Variants in MAP4K4 observed in about 807,000 individuals in gnomAD.
The protein encoded by MAP4K4 is mitogen-activated protein kinase kinase kinase kinase 4, also known as HPK/GCK-like kinase HGK.
A neutral mutation model predicts 189.6 loss-of-function variants in MAP4K4; 38 were observed. The ratio of observed to expected loss-of-function variants is 0.20; its 90% CI spans 0.15 to 0.26. The LOEUF (loss-of-function observed/expected upper bound fraction) is 0.26. Ranked by LOEUF, MAP4K4 falls within the 10% of genes least tolerant of loss-of-function variation. The pLI, the probability that MAP4K4 is intolerant of heterozygous loss-of-function variation, is 1.00. For missense variants in MAP4K4, 1,054 were observed against 1,726.9 expected (o/e 0.61, Z 6.91); for synonymous variants, 610 against 624.3 (o/e 0.98, Z 0.34).
intron 22 of MAP4K4, 139 bp downstream of exon 22, chr2:101,869,936 G>C: frequency 8.5e-7 from 1 of 1,175,876 alleles, no homozygotes; most frequent in East Asian, 2.6e-5. Flanking sequence ...GCAGCAGGTC[G>C]CCTTGTGTTT....
chr2:101,750,943 C>T (rs2068583036), intron 2 of MAP4K4, among the ~76,000 whole-genome samples: 1 of 152,082 alleles, frequency 6.6e-6, no homozygotes, highest in African/African-American at 2.4e-5. Flanking sequence ...GCTGTAAGTC[C>T]TCTACCTTTT....
At chr2:101,865,168 G>A (rs1160617601) in intron 18 of MAP4K4, 132 bp downstream of exon 18, 1 of 588,744 alleles carries the variant, frequency 1.7e-6, no homozygotes, top group Non-Finnish European at 2.9e-6. Context: ...AAAAGGAAAA[G>A]CTGCCATAAA....
At chr2:101,854,818 G>C (rs2097396957) in intron 12 of MAP4K4, among the ~76,000 whole-genome samples, 1 of 152,100 alleles carries the variant, frequency 6.6e-6, no homozygotes, top group South Asian at 2.1e-4. Flanking sequence ...TTGGCTCTCT[G>C]TGTCTGGGAA....
Position 101,888,785 on chromosome 2 carries a change from C to T in MAP4K4, c.3932-11C>T. 4 of 1,569,300 alleles carry T rather than the reference C, an allele frequency of 2.5e-6. No individual in the cohort carries two copies. The highest frequency in any genetic ancestry group is 3.4e-6 in the Non-Finnish European group (4 of 1,161,036). On this transcript the variant is annotated splice_polypyrimidine_tract_variant and intron_variant, in intron 31 of 32. Coordinates refer to ENST00000324219, the Ensembl canonical transcript of MAP4K4. ...ATCTTTAACGGTTTGCAATTTTTCC[C>T]TCCCCAAAAGCATATATTCGATCCA...
At chr2:101,771,387 C>T (rs952623385) in intron 2 of MAP4K4, among the ~76,000 whole-genome samples, 4 of 152,132 alleles carry the variant, frequency 2.6e-5, no homozygotes, top group African/African-American at 7.2e-5. Context: ...GGCAGTGGAA[C>T]GGTGCCATTT....
chr2:101,698,288 G>A (rs1319423873), intron 1 of MAP4K4, 151 bp downstream of exon 1: 1 of 255,198 alleles, frequency 3.9e-6, no homozygotes, highest in Non-Finnish European at 6.1e-6. Context: ...GGCTGGTGCG[G>A]GGCGGGCGCT....
intron 19 of MAP4K4, among the ~76,000 whole-genome samples, 185 bp from the exon 20 acceptor site, chr2:101,867,023 TTAAG>T (rs2097838841): frequency 6.6e-6 from 1 of 151,696 alleles, no homozygotes; most frequent in Non-Finnish European, 1.5e-5. Context: ...GATGGAGGGT[TTAAG>T]TAAAGAGTCA....
At chr2:101,845,215 C>CA (rs1423337396) in intron 12 of MAP4K4, among the ~76,000 whole-genome samples, 1 of 151,526 alleles carries the variant, frequency 6.6e-6, no homozygotes, top group Non-Finnish European at 1.5e-5. Flanking sequence ...CACACACGCA[C>CA]ACACGGTAAG....
At chr2:101,867,267 A>G (rs903128015) in exon 20 of MAP4K4, 4 of 1,607,666 alleles carry the variant, frequency 2.5e-6, no homozygotes, top group Admixed American at 3.4e-5. Flanking sequence ...CAGTGAAAAA[A>G]CCTGAAGATA....
exon 33 of MAP4K4, chr2:101,892,522 G>A (rs952101215): frequency 9.7e-6 from 2 of 206,730 alleles, no homozygotes; most frequent in Non-Finnish European, 2.0e-5. Context: ...TAGCAGACAG[G>A]TGGTTACATT....
chr2:101,757,822 C>G (rs530315168), intron 2 of MAP4K4, among the ~76,000 whole-genome samples: 1 of 152,240 alleles, frequency 6.6e-6, no homozygotes, highest in African/African-American at 2.4e-5. Flanking sequence ...GAGTTCAAGA[C>G]CAACCTGACC....
intron 2 of MAP4K4, among the ~76,000 whole-genome samples, chr2:101,713,323 A>G (rs1237401986): frequency 6.6e-6 from 1 of 152,016 alleles, no homozygotes; most frequent in East Asian, 1.9e-4. Flanking sequence ...TGCTGAGTGC[A>G]GTGGCTCATT....
At chr2:101,797,047 G>T (rs2093772036) in intron 3 of MAP4K4, among the ~76,000 whole-genome samples, 1 of 152,204 alleles carries the variant, frequency 6.6e-6, no homozygotes, top group Non-Finnish European at 1.5e-5. Flanking sequence ...GGGAGTTCAT[G>T]CTCTGGTACG....
At chr2:101,712,676 A>G (rs2046267010) in intron 2 of MAP4K4, among the ~76,000 whole-genome samples, 2 of 150,906 alleles carry the variant, frequency 1.3e-5, no homozygotes, top group African/African-American at 4.9e-5. Flanking sequence ...ATTTATTTTT[A>G]GTAGAGATGG....
intron 3 of MAP4K4, among the ~76,000 whole-genome samples, chr2:101,805,882 G>T (rs924971691): frequency 6.6e-6 from 1 of 152,122 alleles, no homozygotes; most frequent in Non-Finnish European, 1.5e-5. Flanking sequence ...TCTCACTGCC[G>T]CTTCCTTCTC....
chr2:101,771,290 A>C (rs1349748465), intron 2 of MAP4K4, among the ~76,000 whole-genome samples: 1 of 152,196 alleles, frequency 6.6e-6, no homozygotes, highest in Non-Finnish European at 1.5e-5. Context: ...AACAAGAGCA[A>C]ACCTTCTTGT....
chr2:101,732,785 C>T (rs1299909172), intron 2 of MAP4K4, among the ~76,000 whole-genome samples: 1 of 152,218 alleles, frequency 6.6e-6, no homozygotes, highest in African/African-American at 2.4e-5. Flanking sequence ...GACAGGGTTT[C>T]ACCATGTTGG....
At chr2:101,834,574 T>A in intron 8 of MAP4K4, 111 bp downstream of exon 8, 1 of 791,592 alleles carries the variant, frequency 1.3e-6, no homozygotes, top group Non-Finnish European at 2.1e-6. Context: ...TCTGGTGGAC[T>A]GTTTAGATGA....
At chr2:101,768,040 T>G (rs2079440145) in intron 2 of MAP4K4, among the ~76,000 whole-genome samples, 1 of 152,242 alleles carries the variant, frequency 6.6e-6, no homozygotes, top group South Asian at 2.1e-4. Context: ...TTTTCTTTAT[T>G]TTTTCTTCAT....
Sources: gnomAD v4.1 joint callset for allele counts (sites outside exome capture counted in the v4.1 genomes callset) on GRCh38, gnomAD v4.1.1 for gene constraint, MANE v1.5 for transcripts, NCBI Gene and HGNC (gene_info 2026-07-23, HGNC 2026-07-21) for gene names.